The following DGKB variants were observed in gnomAD, a reference collection of about 807,000 sequenced individuals.
The protein encoded by DGKB is diacylglycerol kinase beta, also known as 90 kDa diacylglycerol kinase.
In DGKB, 67 loss-of-function variants were observed where a neutral mutation model predicts 114.3. The ratio of observed to expected loss-of-function variants is 0.59; its 90% CI spans 0.48 to 0.72. DGKB has a LOEUF of 0.72. DGKB is among the 30% of genes least tolerant of loss of function. DGKB has a pLI of 0.00. For missense variants in DGKB, 907 were observed against 975.2 expected (o/e 0.93, Z 0.93); for synonymous variants, 398 against 323.1 (o/e 1.23, Z -2.49).
chr7:14,490,656 C>T (rs1227962070), intron 20 of DGKB, among the ~76,000 whole-genome samples: 1 of 152,180 alleles, frequency 6.6e-6, no homozygotes, highest in African/African-American at 2.4e-5. Flanking sequence ...TTTGAACTAA[C>T]TTCTTCCAGT....
chr7:14,452,338 C>G lies in DGKB; in HGVS notation c.1835+25823G>C, dbSNP rs1488200612. Among the ~76,000 whole-genome samples the G allele has an allele frequency of 2.0e-5, 3 of 151,970 alleles. No individual in the cohort carries two copies. In the South Asian group the frequency reaches 6.2e-4, roughly 32 times the overall value. ...GTAATTACCTAGAATCTATTAACAA[C>G]CTTATTCTCATATAAATTCCAAATT... On this transcript the variant is annotated intron_variant, in intron 21 of 25. Transcript: ENST00000402815.
intron 23 of DGKB, among the ~76,000 whole-genome samples, chr7:14,221,812 G>A (rs1790025333): frequency 6.6e-6 from 1 of 151,222 alleles, no homozygotes; most frequent in Admixed American, 6.6e-5. Context: ...TTTGTGGGTA[G>A]ATTTTGATTA....
At chr7:14,305,088 T>C (rs533031914) in intron 23 of DGKB, among the ~76,000 whole-genome samples, 2 of 152,308 alleles carry the variant, frequency 1.3e-5, no homozygotes, top group African/African-American at 4.8e-5. Flanking sequence ...ATCAGGGTAA[T>C]TGGGATATCT....
intron 23 of DGKB, among the ~76,000 whole-genome samples, chr7:14,234,444 T>G (rs1446549256): frequency 6.6e-6 from 1 of 152,082 alleles, no homozygotes; most frequent in African/African-American, 2.4e-5. Flanking sequence ...ATTCCTCTCC[T>G]TCTTGAAAAC....
rs145507801 is a variant in DGKB at position 14,562,556 on chromosome 7, G to A, written c.1770+11656C>T. 9.0e-3 allele frequency among the ~76,000 whole-genome samples: 1,377 copies of A among 152,326 alleles called. 15 individuals are homozygous for A. Among genetic ancestry groups the A allele is most frequent in the Middle Eastern group, 0.02 (6 of 294 alleles). On this transcript the variant is annotated intron_variant, in intron 20 of 25. Transcript: ENST00000402815. ...AGAGGTGGAGCTGTCCAAGGCCATG[G>A]AAGCCTATCTTTTGCATCAGTGTGA...
intron 23 of DGKB, among the ~76,000 whole-genome samples, chr7:14,194,693 A>G (rs1371988152): frequency 6.6e-6 from 1 of 152,152 alleles, no homozygotes; most frequent in Non-Finnish European, 1.5e-5. Context: ...ACAGAAATAC[A>G]TATATATTCA....
At chr7:14,797,708 G>C (rs1168603830) in intron 2 of DGKB, among the ~76,000 whole-genome samples, 1 of 151,734 alleles carries the variant, frequency 6.6e-6, no homozygotes, top group South Asian at 2.1e-4. Context: ...GTTGGAGCTT[G>C]TTCTATCCTG....
At chr7:14,721,186 C>T (rs1180346245) in intron 5 of DGKB, among the ~76,000 whole-genome samples, 4 of 152,032 alleles carry the variant, frequency 2.6e-5, no homozygotes, top group African/African-American at 9.7e-5. Context: ...GAAAGAAAGC[C>T]AAATATATTA....
chr7:14,572,287 C>T (rs924905243), intron 20 of DGKB, among the ~76,000 whole-genome samples: 3 of 135,162 alleles, frequency 2.2e-5, no homozygotes, highest in Non-Finnish European at 4.8e-5. Flanking sequence ...ACTAAAAATA[C>T]AAAAAAAAAA....
At chr7:14,492,134 G>GA (rs1349298639) in intron 20 of DGKB, among the ~76,000 whole-genome samples, 2 of 151,898 alleles carry the variant, frequency 1.3e-5, no homozygotes, top group African/African-American at 4.8e-5. Context: ...TGTGTATCTA[G>GA]AAAAAAATTC....
chr7:14,927,341 T>A (rs1386285133), intron 1 of DGKB, among the ~76,000 whole-genome samples: 2 of 152,048 alleles, frequency 1.3e-5, no homozygotes, highest in Non-Finnish European at 2.9e-5. Context: ...TTGATTTAAG[T>A]TTGAAACACT....
chr7:14,279,068 G>A (rs2128449513), intron 23 of DGKB, among the ~76,000 whole-genome samples: 1 of 152,340 alleles, frequency 6.6e-6, no homozygotes, highest in Non-Finnish European at 1.5e-5. Context: ...GCCTCACTCA[G>A]GAAGCGCAAG....
At chr7:14,328,098 G>C (rs1439762089) in intron 23 of DGKB, among the ~76,000 whole-genome samples, 2 of 151,992 alleles carry the variant, frequency 1.3e-5, no homozygotes, top group Non-Finnish European at 2.9e-5. Flanking sequence ...TATGATACTA[G>C]TTGACTTTCC....
At chr7:14,356,652 G>A (rs1328868878) in intron 21 of DGKB, among the ~76,000 whole-genome samples, 1 of 151,912 alleles carries the variant, frequency 6.6e-6, no homozygotes, top group Non-Finnish European at 1.5e-5. Flanking sequence ...GAGCCACCAC[G>A]CCCGGGCTTG....
intron 13 of DGKB, among the ~76,000 whole-genome samples, chr7:14,658,859 CA>C (rs1203981056): frequency 6.6e-6 from 1 of 151,834 alleles, no homozygotes; most frequent in Non-Finnish European, 1.5e-5. Flanking sequence ...TGTGAACTAA[CA>C]AGCTTCATAA....
At chr7:14,312,516 A>G (rs952488818) in intron 23 of DGKB, among the ~76,000 whole-genome samples, 1 of 152,222 alleles carries the variant, frequency 6.6e-6, no homozygotes, top group Admixed American at 6.5e-5. Flanking sequence ...ATGAAGCAGT[A>G]AAAATTTTAT....
chr7:14,935,932 G>A (rs906547248), intron 1 of DGKB, among the ~76,000 whole-genome samples: 1 of 152,022 alleles, frequency 6.6e-6, no homozygotes, highest in Non-Finnish European at 1.5e-5. Context: ...GCCCACATTG[G>A]TTGTCCATCA....
At chr7:14,848,320 T>C (rs1450758116) in intron 1 of DGKB, among the ~76,000 whole-genome samples, 1 of 152,132 alleles carries the variant, frequency 6.6e-6, no homozygotes, top group Admixed American at 6.6e-5. Context: ...TTGGCTTGAG[T>C]GCAGGAAATG....
chr7:14,152,039 G>A (rs1465795770), intron 25 of DGKB, among the ~76,000 whole-genome samples: 1 of 151,974 alleles, frequency 6.6e-6, no homozygotes, highest in African/African-American at 2.4e-5. Context: ...GAAAATCCTG[G>A]TTACGGGGGG....
Sources: gnomAD v4.1 joint callset for allele counts (sites outside exome capture counted in the v4.1 genomes callset) on GRCh38, gnomAD v4.1.1 for gene constraint, MANE v1.5 for transcripts, NCBI Gene and HGNC (gene_info 2026-07-23, HGNC 2026-07-21) for gene names.